PRKCQ: variants seen among roughly 807,000 people sequenced by gnomAD.
PRKCQ encodes the protein protein kinase C theta, also known as protein kinase C theta type.
In PRKCQ, 41 loss-of-function variants were observed where a neutral mutation model predicts 91.2. That is an observed-to-expected ratio of 0.45 (90% CI 0.35 to 0.58). The LOEUF (loss-of-function observed/expected upper bound fraction) is 0.58, where lower values mean the gene tolerates loss of function less well. Ranked by LOEUF, PRKCQ falls within the 20% of genes least tolerant of loss-of-function variation. The pLI is 0.00. For missense variants in PRKCQ, 673 were observed against 896.5 expected (o/e 0.75, Z 3.18); for synonymous variants, 307 against 316.9 (o/e 0.97, Z 0.33).
In PRKCQ at chr10:6,511,022, C is replaced by G; in HGVS notation, c.291G>C (p.Arg97Ser). ...ATATTTCTGTCTTCCCGTTGTTCTT[C>G]CTGCACCTCTCAGCCAGCGAGTAGA... The part of the protein sequence containing the change: ...VELYSLAERC[R>S]KNNGKTEIWL... Residue 97 changes from arginine (R) to serine (S), a missense_variant, in exon 3 of 18, where the codon AGG becomes AGC. By Grantham distance (110) the Arg-to-Ser change is moderately radical (BLOSUM62 -1). Coordinates refer to ENST00000263125, the MANE Select transcript of PRKCQ (RefSeq NM_006257.5). 1 of 1,614,132 alleles carries G rather than the reference C, an allele frequency of 6.2e-7. No individual in the cohort carries two copies. The highest frequency in any genetic ancestry group is 8.5e-7 in the Non-Finnish European group (1 of 1,180,012).
chr10:6,446,349 T>C lies in PRKCQ; in HGVS notation c.1648-4268A>G, dbSNP rs557093920. ...AAACCTCAAGCTGTCATGGTCACAC[T>C]ATGCTCAGTTTTTTTTTTTTTTTTT... is the stretch of plus-strand genomic sequence containing the variant. On this transcript the variant is annotated intron_variant, in intron 15 of 17. Transcript: ENST00000263125. Among the ~76,000 whole-genome samples, 16 of 146,944 alleles carry C rather than the reference T, an allele frequency of 1.1e-4. No homozygotes were observed. In the East Asian group the frequency reaches 2.8e-3, roughly 26 times the overall value.
In PRKCQ at chr10:6,441,923, C is replaced by T. The variant is rs867921764; in HGVS notation, c.1806G>A (p.Leu602=). Residue 602 remains leucine (L), a synonymous_variant, in exon 16 of 18, where the codon CTG becomes CTA. Transcript: ENST00000263125. ...CCAGAAGGTCCTTTGCTTCCTTCTC[C>T]AGCCACCGTGGGTAAAAGGGATTGT... ...RMDNPFYPRW[L]EKEAKDLLVK... The T allele has an allele frequency of 8.7e-6, 14 of 1,610,292 alleles. No individual in the cohort carries two copies. The highest frequency in any genetic ancestry group is 1.2e-5 in the Non-Finnish European group (14 of 1,176,906).
rs1362384564 is a variant in PRKCQ, at chr10:6,551,445, G to T, written c.-10+28766C>A. 2.0e-5 allele frequency among the ~76,000 whole-genome samples: 3 copies of T among 149,430 alleles called. No individual in the cohort carries two copies. In the Admixed American group the frequency reaches 2.0e-4, roughly 10 times the overall value. ...GTCTCACTCTGTCACCCAGGCTGGA[G>T]TGCCTGGAGTGCACCATCTCAGCTC... On this transcript the variant is annotated intron_variant, in intron 1 of 17. Transcript: ENST00000263125.
In PRKCQ at chr10:6,430,109, C is replaced by T. The variant is rs1430485160; in HGVS notation, c.1965+701G>A. ...ACCTCAGGTGATCCACCCGCCTCGG[C>T]TTTCCAAAGTGCTGGGATTACAGGC... is the stretch of plus-strand genomic sequence containing the variant. On this transcript the variant is annotated intron_variant, in intron 17 of 17. Coordinates refer to ENST00000263125, the MANE Select transcript of PRKCQ (RefSeq NM_006257.5). This position sits in a 1 kb window ranked among gnomAD's most constrained non-coding sequence, Gnocchi z 4.7. Among the ~76,000 whole-genome samples the T allele has an allele frequency of 6.6e-6, 1 of 152,218 alleles. No homozygotes were observed. The highest frequency in any genetic ancestry group is 1.5e-5 in the Non-Finnish European group (1 of 68,030).
At position 6,497,549 on chromosome 10, in the gene PRKCQ, C is replaced by T. The variant is rs114067103; in HGVS notation, c.543-298G>A. On this transcript the variant is annotated intron_variant, in intron 5 of 17. Transcript: ENST00000263125. The surrounding 1 kb of genome is among the most constrained non-coding windows in gnomAD (Gnocchi z 4.5). ...TGCATGCATCACAGACTCTTCGTAG[C>T]ACGTTTCCCTGTGCTAGATTTAAAA... 0.016 allele frequency among the ~76,000 whole-genome samples: 2,396 copies of T among 152,302 alleles called. 64 individuals carry two copies. Among genetic ancestry groups the T allele is most frequent in the African/African-American group, 0.046 (1,911 of 41,568 alleles).
At chr10:6,514,648 T>G (rs1191305804) in intron 2 of PRKCQ, among the ~76,000 whole-genome samples, 1 of 152,238 alleles carries the variant, frequency 6.6e-6, no homozygotes, top group African/African-American at 2.4e-5. Flanking sequence ...GCAGTCTTAA[T>G]CTACCTAGAC....
At chr10:6,405,127 G>A in the PRKCQ span, among the ~76,000 whole-genome samples, 35 of 152,072 alleles carry the variant, frequency 2.3e-4, no homozygotes, top group African/African-American at 7.7e-4. Context: ...GTCCACAGGT[G>A]CACGCCACCA....
At chr10:6,395,056 CTTTTTTTTTTTTTT>C in the PRKCQ span, among the ~76,000 whole-genome samples, 1 of 66,994 alleles carries the variant, frequency 1.5e-5, no homozygotes, top group Admixed American at 1.8e-4. Flanking sequence ...AAGCTGGAGT[CTTTTTTTTTTTTTT>C]TTTTTTTTTT....
intron 1 of PRKCQ, among the ~76,000 whole-genome samples, chr10:6,521,406 G>C (rs1235366812): frequency 1.3e-5 from 2 of 152,134 alleles, no homozygotes; most frequent in African/African-American, 2.4e-5. Context: ...ACAAAAGATC[G>C]ATGCCCTCAT....
chr10:6,513,983 T>C (rs1177097633), intron 2 of PRKCQ, among the ~76,000 whole-genome samples: 2 of 152,226 alleles, frequency 1.3e-5, no homozygotes, highest in Non-Finnish European at 2.9e-5. Flanking sequence ...TGTATTTTTG[T>C]TTATTGCCAC....
chr10:6,472,381 T>C (rs1188548703), intron 12 of PRKCQ, among the ~76,000 whole-genome samples: 1 of 152,240 alleles, frequency 6.6e-6, no homozygotes, highest in Non-Finnish European at 1.5e-5. Context: ...GTGAGTGTCT[T>C]GTTCTTTTAG....
chr10:6,411,029 G>A, the PRKCQ span, among the ~76,000 whole-genome samples: 1 of 148,730 alleles, frequency 6.7e-6, no homozygotes, highest in Non-Finnish European at 1.5e-5. Context: ...CATCCCTGTT[G>A]AGAAACACGG....
chr10:6,505,769 ACAAGTAG>A (rs1446472303), intron 4 of PRKCQ, among the ~76,000 whole-genome samples: 2 of 151,768 alleles, frequency 1.3e-5, no homozygotes. Context: ...CCTCAGCCTC[ACAAGTAG>A]CTGGGACTAC....
intron 12 of PRKCQ, among the ~76,000 whole-genome samples, chr10:6,474,296 C>A (rs1308108645): frequency 6.6e-6 from 1 of 152,172 alleles, no homozygotes; most frequent in Non-Finnish European, 1.5e-5. Flanking sequence ...CGGCGGCCTG[C>A]CCTCAAATCC....
At chr10:6,412,892 C>T in the PRKCQ span, among the ~76,000 whole-genome samples, 1 of 152,238 alleles carries the variant, frequency 6.6e-6, no homozygotes, top group African/African-American at 2.4e-5. Flanking sequence ...CTTCCACAAT[C>T]ACTTATGAGC....
intron 1 of PRKCQ, among the ~76,000 whole-genome samples, chr10:6,517,622 T>TA (rs1935796208): frequency 2.1e-5 from 2 of 94,786 alleles, no homozygotes; most frequent in South Asian, 7.1e-4. Context: ...TTTTTTTTTT[T>TA]ACAACCTTTC....
the PRKCQ span, among the ~76,000 whole-genome samples, chr10:6,395,053 A>AGTTTT: frequency 1.2e-5 from 1 of 86,812 alleles, no homozygotes; most frequent in Non-Finnish European, 2.2e-5. Flanking sequence ...AGGAAGCTGG[A>AGTTTT]GTCTTTTTTT....
chr10:6,400,445 A>G, the PRKCQ span, among the ~76,000 whole-genome samples: 1 of 152,170 alleles, frequency 6.6e-6, no homozygotes. Context: ...TATGCAGGTG[A>G]GATGACTTAA....
intron 17 of PRKCQ, 86 bp from the exon 18 acceptor site, chr10:6,428,448 A>G: frequency 2.0e-6 from 3 of 1,463,514 alleles, no homozygotes; most frequent in Admixed American, 1.8e-5. Context: ...CTAGGCCGTG[A>G]TCTGCGTATG....
Sources: gnomAD v4.1 joint callset for allele counts (sites outside exome capture counted in the v4.1 genomes callset) on GRCh38, gnomAD v4.1.1 for gene constraint, Gnocchi (gnomAD v3.1) non-coding constraint, MANE v1.5 for transcripts, NCBI Gene and HGNC (gene_info 2026-07-23, HGNC 2026-07-21) for gene names.